SGCD: variants seen among roughly 807,000 people sequenced by gnomAD.
The protein encoded by SGCD is sarcoglycan delta, also known as delta-sarcoglycan.
SGCD carries 18 observed loss-of-function variants against 36.6 expected under a neutral mutation model. The ratio of observed to expected loss-of-function variants is 0.49; its 90% CI spans 0.34 to 0.73. The LOEUF is 0.73. Ranked by LOEUF, SGCD falls within the 30% of genes least tolerant of loss-of-function variation. The pLI is 0.01. For synonymous variants in SGCD, 133 were observed against 130.6 expected, an observed-to-expected ratio of 1.02 and a Z score of -0.12; for missense variants, 387 against 346.7, an observed-to-expected ratio of 1.12 and a Z score of -0.92.
chr5:156,288,578 T>C (rs904282454), intron 3 of SGCD, among the ~76,000 whole-genome samples: 4 of 152,260 alleles, frequency 2.6e-5, no homozygotes, highest in East Asian at 1.9e-4. Context: ...TCCAACACAG[T>C]GAAAAAATAA....
the SGCD span, among the ~76,000 whole-genome samples, chr5:155,767,287 G>C: frequency 6.6e-6 from 1 of 152,192 alleles, no homozygotes; most frequent in Non-Finnish European, 1.5e-5. Context: ...GCCTGAGGAA[G>C]ACATGTCAGT....
chr5:156,593,621 G>A (rs771171665), intron 5 of SGCD, among the ~76,000 whole-genome samples: 9 of 152,080 alleles, frequency 5.9e-5, no homozygotes, highest in Middle Eastern at 3.4e-3. Flanking sequence ...TTCCTTAAAC[G>A]TTCCCCAAAA....
chr5:155,869,189 C>T (rs183203467), upstream of SGCD, among the ~76,000 whole-genome samples: 177 of 152,178 alleles, frequency 1.2e-3, no homozygotes, highest in Admixed American at 2.0e-3. Flanking sequence ...CCTTTCTTGT[C>T]TTTTCTTTAT....
Position 155,932,507 on chromosome 5 carries a change from T to C in SGCD, c.-282+62083T>C, listed in dbSNP as rs1372878341. On this transcript the variant is annotated intron_variant, in intron 1 of 9. Coordinates refer to the SGCD transcript ENST00000517913. ...GTATTCTGCATGTGACAAAATTTCA[T>C]GTATTACTTTGATGTGTTTTAGTTC... 3.3e-5 allele frequency among the ~76,000 whole-genome samples: 5 copies of C among 152,192 alleles called. No homozygotes were observed. The East Asian group carries it at 9.6e-4, about 29-fold the overall frequency.
In SGCD at chr5:156,504,497, A is replaced by T. The variant is rs557841304; in HGVS notation, c.193-4104A>T. 2.0e-5 allele frequency among the ~76,000 whole-genome samples: 3 copies of T among 150,984 alleles called. No homozygotes were observed. The South Asian group carries it at 6.3e-4, about 32-fold the overall frequency. ...ACATATTTCCTCAACTGATTGTTTC[A>T]GTCAATAATGCATCATGAATATTTG... On this transcript the variant is annotated intron_variant, in intron 3 of 8. Coordinates refer to ENST00000337851, the MANE Select transcript of SGCD (RefSeq NM_000337.6).
intron 1 of SGCD, among the ~76,000 whole-genome samples, chr5:156,093,472 A>G (rs187365329): frequency 1.3e-5 from 2 of 152,346 alleles, no homozygotes; most frequent in East Asian, 3.9e-4. Context: ...TATCTATGGA[A>G]GATTTGGTAA....
intron 4 of SGCD, among the ~76,000 whole-genome samples, chr5:156,542,984 G>C (rs1275051686): frequency 6.6e-6 from 1 of 152,140 alleles, no homozygotes; most frequent in Non-Finnish European, 1.5e-5. Flanking sequence ...AGGCATCTAA[G>C]ATATAACAAA....
chr5:156,270,523 T>A (rs1476414243), intron 3 of SGCD, among the ~76,000 whole-genome samples: 2 of 152,198 alleles, frequency 1.3e-5, no homozygotes, highest in Non-Finnish European at 2.9e-5. Context: ...GATTGTCTGA[T>A]CCCCACTTCT....
At chr5:156,730,339 A>G (rs149686178) in intron 7 of SGCD, among the ~76,000 whole-genome samples, 107 of 152,284 alleles carry the variant, frequency 7.0e-4, no homozygotes, top group East Asian at 3.9e-3. Context: ...TATTAAGCTT[A>G]GTAACCATTC....
At position 156,744,354 on chromosome 5, in the gene SGCD, T is replaced by TG. The variant is rs554876301; in HGVS notation, c.576-13226dup. Among the ~76,000 whole-genome samples the TG allele has an allele frequency of 1.3e-3, 197 of 152,340 alleles. 1 individual carries two copies. The highest frequency in any genetic ancestry group is 4.5e-3 in the African/African-American group (189 of 41,576). The stretch of plus-strand genomic sequence containing the variant: ...GCCACAGGCACTGTTGGAGATCACC[T>TG]GCTCGATCACCTTGTTAGTGTGGGG... On this transcript the variant is annotated intron_variant, in intron 7 of 8. Transcript: ENST00000337851.
At chr5:156,524,041 CACTTAAAGTGGCAGTTTCCAAGA>C (rs1757524413) in intron 4 of SGCD, among the ~76,000 whole-genome samples, 1 of 134,004 alleles carries the variant, frequency 7.5e-6, no homozygotes, top group Non-Finnish European at 1.6e-5. Context: ...CATGTTATTT[CACTTAAAGTGGCAGTTTCCAAGA>C]ACCTATGGAT....
chr5:155,871,764 G>GGAAT (rs1234567523), intron 1 of SGCD, among the ~76,000 whole-genome samples: 8 of 152,198 alleles, frequency 5.3e-5, no homozygotes, highest in Admixed American at 5.2e-4. Context: ...ACACGTTTAA[G>GGAAT]GAATGGCTGG....
chr5:156,046,227 A>G (rs531253194), intron 1 of SGCD, among the ~76,000 whole-genome samples: 1 of 152,274 alleles, frequency 6.6e-6, no homozygotes, highest in African/African-American at 2.4e-5. Context: ...CAGAATATCT[A>G]TAGAAGATGC....
chr5:156,163,421 C>T (rs532544580), intron 3 of SGCD, among the ~76,000 whole-genome samples: 1 of 151,456 alleles, frequency 6.6e-6, no homozygotes, highest in African/African-American at 2.4e-5. Flanking sequence ...TCTCAAAGTC[C>T]GTTAACAGAC....
At chr5:155,816,340 T>C in the SGCD span, among the ~76,000 whole-genome samples, 3 of 152,206 alleles carry the variant, frequency 2.0e-5, no homozygotes, top group Admixed American at 2.0e-4. Flanking sequence ...ACATATTTTG[T>C]ATAATATGTA....
chr5:155,750,733 T>G, the SGCD span, among the ~76,000 whole-genome samples: 1 of 152,230 alleles, frequency 6.6e-6, no homozygotes, highest in African/African-American at 2.4e-5. Flanking sequence ...TAGCAAACAC[T>G]GAGGGCTCTG....
At chr5:156,609,155 T>G (rs1761647530) in intron 6 of SGCD, among the ~76,000 whole-genome samples, 1 of 152,200 alleles carries the variant, frequency 6.6e-6, no homozygotes, top group Non-Finnish European at 1.5e-5. Context: ...GTCCTTACAA[T>G]TTGGTATGTT....
At chr5:156,202,150 G>C (rs1764167402) in intron 3 of SGCD, among the ~76,000 whole-genome samples, 1 of 152,140 alleles carries the variant, frequency 6.6e-6, no homozygotes, top group Non-Finnish European at 1.5e-5. Context: ...GTTCTTTCTT[G>C]GCCTTTGCCG....
chr5:155,848,944 T>C, the SGCD span, among the ~76,000 whole-genome samples: 1 of 152,212 alleles, frequency 6.6e-6, no homozygotes, highest in African/African-American at 2.4e-5. Flanking sequence ...AATTCGTGGG[T>C]AACTTGGTAC....
Sources: allele counts gnomAD v4.1 joint callset (sites outside exome capture counted in the v4.1 genomes callset), GRCh38; gene constraint gnomAD v4.1.1; transcripts MANE v1.5; gene names NCBI Gene and HGNC (gene_info 2026-07-23, HGNC 2026-07-21).